REEP5: variants seen among roughly 807,000 people sequenced by gnomAD.
REEP5 encodes the protein receptor accessory protein 5, also known as receptor expression-enhancing protein 5.
A neutral mutation model predicts 22.4 loss-of-function variants in REEP5; 24 were observed. The ratio of observed to expected loss-of-function variants is 1.07; its 90% CI spans 0.78 to 1.51. The LOEUF (loss-of-function observed/expected upper bound fraction) is 1.51, where lower values mean the gene tolerates loss of function less well. Among genes scored for constraint, REEP5 ranks in the 40% most tolerant of loss-of-function variants. REEP5 has a pLI of 0.00. For missense variants in REEP5, 252 were observed against 233.0 expected, an observed-to-expected ratio of 1.08 and a Z score of -0.53; for synonymous variants, 103 against 88.6, an observed-to-expected ratio of 1.16 and a Z score of -0.92.
intron 2 of REEP5, among the ~76,000 whole-genome samples, chr5:112,907,169 T>A (rs1768974653): frequency 6.6e-6 from 1 of 151,894 alleles, no homozygotes; most frequent in African/African-American, 2.4e-5. Context: ...CCTAGAGGAG[T>A]TCTGGAATGA....
intron 2 of REEP5, among the ~76,000 whole-genome samples, chr5:112,903,082 T>C (rs989943706): frequency 6.6e-6 from 1 of 152,254 alleles, no homozygotes; most frequent in Admixed American, 6.5e-5. Flanking sequence ...CCACAGGCTA[T>C]GGACTTTCCT....
intron 3 of REEP5, among the ~76,000 whole-genome samples, chr5:112,901,130 C>T (rs1295709647): frequency 3.3e-5 from 5 of 152,054 alleles, no homozygotes; most frequent in African/African-American, 1.2e-4. Flanking sequence ...TGAGCCACCA[C>T]GCCTGGCCAA....
chr5:112,908,086 C>CTTTGTTTT (rs1561657600), intron 2 of REEP5, among the ~76,000 whole-genome samples: 4 of 76,766 alleles, frequency 5.2e-5, no homozygotes, highest in Non-Finnish European at 1.1e-4. Context: ...GCATCAGAGA[C>CTTTGTTTT]TTTCTTTGTT....
At chr5:112,899,083 T>G (rs951238332) in intron 3 of REEP5, among the ~76,000 whole-genome samples, 6 of 152,144 alleles carry the variant, frequency 3.9e-5, no homozygotes, top group African/African-American at 1.4e-4. Context: ...GTTCTATTAC[T>G]TTTTTTCTTT....
chr5:112,911,250 GA>G (rs1406872181), intron 2 of REEP5, among the ~76,000 whole-genome samples: 3 of 152,190 alleles, frequency 2.0e-5, no homozygotes, highest in African/African-American at 7.2e-5. Context: ...GTAGCGCCTT[GA>G]AATTTCAACC....
chr5:112,909,314 T>C (rs1411237798), intron 2 of REEP5, among the ~76,000 whole-genome samples: 1 of 150,916 alleles, frequency 6.6e-6, no homozygotes, highest in African/African-American at 2.4e-5. Flanking sequence ...AAAGTCTCAG[T>C]AAATACTCCC....
At chr5:112,922,043 T>C in intron 1 of REEP5, 30 bp downstream of exon 1, 1 of 1,575,702 alleles carries the variant, frequency 6.3e-7, no homozygotes, top group Non-Finnish European at 8.6e-7. Flanking sequence ...CCCGTGGCCC[T>C]ACCAGCGGCG....
intron 1 of REEP5, 56 bp from the exon 2 acceptor site, chr5:112,921,312 A>G: frequency 6.5e-7 from 1 of 1,545,438 alleles, no homozygotes; most frequent in Non-Finnish European, 8.9e-7. Flanking sequence ...TTCACGCGGG[A>G]CAGCCGCCGC....
chr5:112,914,525 A>T (rs1454194174), intron 2 of REEP5, among the ~76,000 whole-genome samples: 1 of 152,138 alleles, frequency 6.6e-6, no homozygotes, highest in Non-Finnish European at 1.5e-5. Flanking sequence ...TGAATGATTG[A>T]TGGTAAAAAA....
At chr5:112,889,863 C>T (rs980514170) in intron 3 of REEP5, among the ~76,000 whole-genome samples, 5 of 147,230 alleles carry the variant, frequency 3.4e-5, no homozygotes, top group Admixed American at 3.4e-4. Flanking sequence ...TTCTTGCTCT[C>T]TTACCCAGGC....
At position 112,876,692 on chromosome 5, in the gene REEP5, T is replaced by C. The variant is rs1655997305; in HGVS notation, c.*2094A>G. 6.6e-6 allele frequency: 1 copy of C among 152,226 alleles called. No individual in the cohort carries two copies. Among genetic ancestry groups the C allele is most frequent in the African/African-American group, 2.4e-5 (1 of 41,462 alleles). The allele number at this position is 152,226 out of a possible 1,614,324, so 9.4% of individuals were successfully genotyped here. A position where few individuals can be genotyped will look rare whatever the true frequency, so the allele number is the denominator to read the frequency against. ...AGCCAGGCACAGGCTCAATTAGTTT[T>C]TCAAACTCTAGCCAAGGCAGTATTT... On this transcript the variant is annotated 3_prime_UTR_variant, in exon 5 of 5. Coordinates refer to ENST00000379638, the MANE Select transcript of REEP5 (RefSeq NM_005669.5).
chr5:112,904,610 T>C (rs916401223), intron 2 of REEP5, among the ~76,000 whole-genome samples: 3 of 152,228 alleles, frequency 2.0e-5, no homozygotes, highest in Non-Finnish European at 1.5e-5. Flanking sequence ...GTTAATCCAG[T>C]GGCTTTTAAA....
At chr5:112,892,294 T>C (rs1171544483) in intron 3 of REEP5, 1 of 1,613,930 alleles carries the variant, frequency 6.2e-7, no homozygotes, top group Non-Finnish European at 8.5e-7. Flanking sequence ...AATGGAGCAG[T>C]GCAGGAGGGA....
chr5:112,879,529 A>T (rs1221687051), intron 4 of REEP5, among the ~76,000 whole-genome samples: 5 of 152,166 alleles, frequency 3.3e-5, no homozygotes, highest in Non-Finnish European at 7.3e-5. Context: ...CCTGGAGTGC[A>T]GTGGCGCGAT....
chr5:112,914,433 T>G (rs1769187459), intron 2 of REEP5, among the ~76,000 whole-genome samples: 1 of 151,966 alleles, frequency 6.6e-6, no homozygotes, highest in Non-Finnish European at 1.5e-5. Context: ...AGATGGGGTT[T>G]TGCCATGTTG....
chr5:112,892,106 C>T (rs1768481393), intron 3 of REEP5: 1 of 1,613,760 alleles, frequency 6.2e-7, no homozygotes, highest in Non-Finnish European at 8.5e-7. Context: ...GAAAATAGTA[C>T]CACATGGCAA....
At chr5:112,892,276 A>G (rs1468245480) in intron 3 of REEP5, 2 of 1,614,146 alleles carry the variant, frequency 1.2e-6, no homozygotes, top group East Asian at 4.5e-5. Context: ...CATGTTTACA[A>G]CGTTTGGAAT....
chr5:112,877,252 C>CATTGTTATGATCTTACCTG lies in REEP5; in HGVS notation c.*1515_*1533dup, dbSNP rs1767925422. ...CTTTAATATTTTTTACATCATGAGA[C>CATTGTTATGATCTTACCTG]ATTGTTATGATCTTACCTGATTGTT... On this transcript the variant is annotated 3_prime_UTR_variant, in exon 5 of 5. Coordinates refer to ENST00000379638, the MANE Select transcript of REEP5 (RefSeq NM_005669.5). 1 of 152,148 alleles carries CATTGTTATGATCTTACCTG rather than the reference C, an allele frequency of 6.6e-6. No homozygotes were observed. The highest frequency in any genetic ancestry group is 2.4e-5 in the African/African-American group (1 of 41,430). 9.4% of individuals were successfully genotyped at this position (152,148 alleles called of 1,614,324 possible).
At chr5:112,887,334 G>T (rs1034838513) in intron 3 of REEP5, 151 bp from the exon 4 acceptor site, 4 of 684,776 alleles carry the variant, frequency 5.8e-6, no homozygotes, top group African/African-American at 1.8e-5. Flanking sequence ...TTAAAGGTGG[G>T]CTTTCTTTAG....
Sources: gnomAD v4.1 joint callset for allele counts (sites outside exome capture counted in the v4.1 genomes callset) on GRCh38, gnomAD v4.1.1 for gene constraint, MANE v1.5 for transcripts, NCBI Gene and HGNC (gene_info 2026-07-23, HGNC 2026-07-21) for gene names.